EPB41L2: variants seen among roughly 807,000 people sequenced by gnomAD.
EPB41L2 encodes band 4.1-like protein 2.
In EPB41L2, 43 loss-of-function variants were observed where a neutral mutation model predicts 113.0. The ratio of observed to expected loss-of-function variants is 0.38; its 90% CI spans 0.30 to 0.49. EPB41L2 has a LOEUF of 0.49. Ranked by LOEUF, EPB41L2 falls within the 20% of genes least tolerant of loss-of-function variation. The pLI, the probability that EPB41L2 is intolerant of heterozygous loss-of-function variation, is 0.95. For synonymous variants in EPB41L2, 442 were observed against 436.7 expected, an observed-to-expected ratio of 1.01 and a Z score of -0.15; for missense variants, 1,147 against 1,223.4, an observed-to-expected ratio of 0.94 and a Z score of 0.93.
chr6:130,877,750 T>TAAGTA (rs1226526871), intron 14 of EPB41L2, among the ~76,000 whole-genome samples: 1 of 152,152 alleles, frequency 6.6e-6, no homozygotes, highest in African/African-American at 2.4e-5. Flanking sequence ...TTATTTATAC[T>TAAGTA]AAGTAAATGT....
chr6:130,910,222 C>T (rs557362383), intron 4 of EPB41L2, among the ~76,000 whole-genome samples: 1 of 152,262 alleles, frequency 6.6e-6, no homozygotes, highest in East Asian at 1.9e-4. Context: ...AGAAATAACA[C>T]CACACATCTA....
chr6:130,955,418 T>A, intron 2 of EPB41L2, 101 bp from the exon 3 acceptor site: 1 of 1,084,048 alleles, frequency 9.2e-7, no homozygotes, highest in Non-Finnish European at 1.3e-6. Flanking sequence ...ATCGTTACTT[T>A]AAACACTGTA....
Position 130,880,154 on chromosome 6 carries a change from A to G in EPB41L2, c.1886T>C (p.Leu629Ser). ...TTAGATTATACAAACCTCCAACATT[A>G]AATTGCTATGTCTGACATAAATATT... Reference protein sequence around the residue: ...GDNIYVRHSNLMLEELDKAQE... With the variant: ...GDNIYVRHSNSMLEELDKAQE... Residue 629 changes from leucine to serine, a missense_variant, in exon 13 of 20, where the codon TTA (leucine) becomes TCA (serine). Coordinates refer to ENST00000337057, the MANE Select transcript of EPB41L2 (RefSeq NM_001431.4). 6.2e-7 allele frequency: 1 copy of G among 1,607,766 alleles called. No individual in the cohort carries two copies. Among genetic ancestry groups the G allele is most frequent in the South Asian group, 1.1e-5 (1 of 90,882 alleles).
intron 14 of EPB41L2, among the ~76,000 whole-genome samples, chr6:130,875,841 C>T (rs1328408153): frequency 1.3e-5 from 2 of 151,866 alleles, no homozygotes; most frequent in Non-Finnish European, 2.9e-5. Context: ...ACTAAAAACA[C>T]AAAAAAATTA....
Position 130,899,387 on chromosome 6 carries a change from T to C in EPB41L2, c.1236+104A>G, listed in dbSNP as rs557504501. 3 of 893,652 alleles carry C rather than the reference T, an allele frequency of 3.4e-6. No individual in the cohort carries two copies. In the East Asian group the frequency reaches 7.5e-5, roughly 22 times the overall value. The allele number at this position is 893,652 out of a possible 1,614,324, so 55.4% of individuals were successfully genotyped here. A position where few individuals can be genotyped will look rare whatever the true frequency, so the allele number is the denominator to read the frequency against. On this transcript the variant is annotated intron_variant, in intron 8 of 19. Coordinates refer to ENST00000337057, the MANE Select transcript of EPB41L2 (RefSeq NM_001431.4). ...CCAGAGACCCTCAATTGAAAGCAAA[T>C]ATCCTTTTCCCAAAAATAAGCTGTG...
At chr6:131,037,100 C>A (rs1187026240) in intron 1 of EPB41L2, among the ~76,000 whole-genome samples, 1 of 152,220 alleles carries the variant, frequency 6.6e-6, no homozygotes, top group Non-Finnish European at 1.5e-5. Flanking sequence ...CCAAAGGCAG[C>A]TAATGTATTT....
chr6:130,954,234 T>C (rs1816607789), intron 3 of EPB41L2, among the ~76,000 whole-genome samples: 1 of 151,748 alleles, frequency 6.6e-6, no homozygotes, highest in African/African-American at 2.4e-5. Flanking sequence ...TTTGTATTTT[T>C]AGTAGAGACA....
At chr6:131,047,633 T>C (rs6935108) in intron 1 of EPB41L2, among the ~76,000 whole-genome samples, 42,743 of 152,066 alleles carry the variant, frequency 0.28, 7,104 homozygotes, top group Non-Finnish European at 0.37. Context: ...TAAATTAGTG[T>C]ATCATCAATG....
intron 1 of EPB41L2, among the ~76,000 whole-genome samples, chr6:130,965,425 T>G (rs930700838): frequency 6.6e-6 from 1 of 152,146 alleles, no homozygotes; most frequent in Non-Finnish European, 1.5e-5. Context: ...AAATAGTCAT[T>G]ACATGATTTT....
At chr6:130,936,791 GA>G (rs1259814351) in intron 3 of EPB41L2, among the ~76,000 whole-genome samples, 4 of 152,006 alleles carry the variant, frequency 2.6e-5, no homozygotes, top group African/African-American at 4.8e-5. Flanking sequence ...TTCAGCTATC[GA>G]TTAGTTAGCA....
At chr6:130,924,188 T>C (rs1426796751) in intron 4 of EPB41L2, among the ~76,000 whole-genome samples, 1 of 152,232 alleles carries the variant, frequency 6.6e-6, no homozygotes, top group African/African-American at 2.4e-5. Context: ...GGTATTGATA[T>C]GTACATACAT....
At chr6:130,891,455 A>AC (rs1792843209) in intron 10 of EPB41L2, among the ~76,000 whole-genome samples, 2 of 145,588 alleles carry the variant, frequency 1.4e-5, no homozygotes, top group African/African-American at 4.9e-5. Flanking sequence ...TTACTTACTT[A>AC]TTTAATTTTT....
At chr6:130,892,906 A>C (rs879577244) in intron 10 of EPB41L2, among the ~76,000 whole-genome samples, 3 of 152,196 alleles carry the variant, frequency 2.0e-5, no homozygotes, top group African/African-American at 7.2e-5. Context: ...GGTTGGTATC[A>C]CGGTGACACA....
chr6:130,981,829 GGA>G (rs1402675613), intron 1 of EPB41L2, among the ~76,000 whole-genome samples: 1 of 151,820 alleles, frequency 6.6e-6, no homozygotes, highest in Non-Finnish European at 1.5e-5. Context: ...AATAAAATTT[GGA>G]GAAAAAAGTA....
chr6:130,857,549 C>CTTTTT (rs10557309), intron 19 of EPB41L2, among the ~76,000 whole-genome samples: 1 of 72,818 alleles, frequency 1.4e-5, no homozygotes, highest in Non-Finnish European at 2.4e-5. Flanking sequence ...TCAGATGTAT[C>CTTTTT]TTTTTTTTTT....
intron 3 of EPB41L2, among the ~76,000 whole-genome samples, chr6:130,948,597 A>G (rs909755882): frequency 2.0e-5 from 3 of 152,180 alleles, no homozygotes; most frequent in East Asian, 3.9e-4. Context: ...AGTACTAAAA[A>G]TAAATGGTCT....
intron 1 of EPB41L2, among the ~76,000 whole-genome samples, chr6:130,968,992 G>A (rs997804293): frequency 1.3e-5 from 2 of 151,982 alleles, no homozygotes; most frequent in African/African-American, 2.4e-5. Context: ...CAAAACCAAC[G>A]TCAAAGTTTA....
At chr6:131,045,362 T>C (rs1562792571) in intron 1 of EPB41L2, among the ~76,000 whole-genome samples, 1 of 152,052 alleles carries the variant, frequency 6.6e-6, no homozygotes, top group Non-Finnish European at 1.5e-5. Context: ...TATTTAAATA[T>C]TCATTTAAAA....
intron 1 of EPB41L2, among the ~76,000 whole-genome samples, chr6:130,973,077 A>C (rs1309826389): frequency 1.3e-5 from 2 of 151,850 alleles, no homozygotes; most frequent in African/African-American, 2.4e-5. Context: ...GTGCCATTGC[A>C]CTCCAGCCTG....
Sources: gnomAD v4.1 joint callset for allele counts (sites outside exome capture counted in the v4.1 genomes callset) on GRCh38, gnomAD v4.1.1 for gene constraint, MANE v1.5 for transcripts, NCBI Gene and HGNC (gene_info 2026-07-23, HGNC 2026-07-21) for gene names.